The following HOATZ variants were observed in gnomAD, a reference collection of about 807,000 sequenced individuals.
HOATZ encodes the protein HOATZ cilia and flagella associated protein, also known as cilia- and flagella-associated protein HOATZ.
A neutral mutation model predicts 24.9 loss-of-function variants in HOATZ; 26 were observed. The ratio of observed to expected loss-of-function variants is 1.04; its 90% confidence interval spans 0.76 to 1.45. The LOEUF (loss-of-function observed/expected upper bound fraction) is 1.45. Ranked by LOEUF, HOATZ falls within the 40% of genes most tolerant of loss-of-function variation. The pLI, the probability that HOATZ is intolerant of heterozygous loss-of-function variation, is 0.00. For synonymous variants in HOATZ, 83 were observed against 76.6 expected (o/e 1.08, Z -0.43); for missense variants, 226 against 201.5 (o/e 1.12, Z -0.74).
At chr11:111,519,220 C>A (rs1352432270) in intron 3 of HOATZ, 1 of 248,466 alleles carries the variant, frequency 4.0e-6, no homozygotes, top group Non-Finnish European at 8.3e-6. Context: ...AGTTTACCCT[C>A]AACAAATTCA....
intron 3 of HOATZ, chr11:111,519,184 G>A (rs1326916953): frequency 3.0e-6 from 1 of 336,068 alleles, no homozygotes; most frequent in African/African-American, 2.1e-5. Flanking sequence ...ATAGAGTGAT[G>A]TAAGGTATGT....
At chr11:111,527,698 T>C (rs1867354391) in intron 3 of HOATZ, among the ~76,000 whole-genome samples, 1 of 152,254 alleles carries the variant, frequency 6.6e-6, no homozygotes, top group Admixed American at 6.5e-5. Context: ...TATATGGTAG[T>C]TGTAGAATCA....
At chr11:111,532,340 A>C (rs1867402851) in intron 3 of HOATZ, among the ~76,000 whole-genome samples, 1 of 152,220 alleles carries the variant, frequency 6.6e-6, no homozygotes, top group African/African-American at 2.4e-5. Context: ...TCTAACCAGC[A>C]GTACCTCAGA....
intron 3 of HOATZ, chr11:111,518,902 C>A (rs1278822529): frequency 2.6e-6 from 1 of 388,890 alleles, no homozygotes; most frequent in Non-Finnish European, 5.2e-6. Flanking sequence ...ATGAATAGAT[C>A]TCTTCTCTGT....
chr11:111,515,385 G>A, intron 1 of HOATZ, 126 bp from the exon 2 acceptor site: 1 of 731,198 alleles, frequency 1.4e-6, no homozygotes, highest in Admixed American at 2.3e-5. Context: ...TCCTGGACCT[G>A]TGAGCCCTTA....
chr11:111,514,930 C>G lies in HOATZ; in HGVS notation c.146C>G (p.Pro49Arg), dbSNP rs1867159185. The G allele has an allele frequency of 1.6e-5, 26 of 1,614,038 alleles. No individual in the cohort carries two copies. The highest frequency in any genetic ancestry group is 2.1e-5 in the Non-Finnish European group (25 of 1,180,002). Residue 49 changes from proline (P) to arginine (R), a missense_variant, in exon 1 of 6, where the codon CCT becomes CGT. Physicochemically the swap from Pro to Arg is moderately radical, Grantham distance 103. Coordinates refer to ENST00000375618, the MANE Select transcript of HOATZ (RefSeq NM_001100388.2). ...QFWISASMYP[P>R]SESQLVLRRD... ...TGGATCTCGGCGTCGATGTATCCCC[C>G]TAGCGAATCTCAGCTGGTGCTGCGC...
At position 111,521,855 on chromosome 11, in the gene HOATZ, A is replaced by G. The variant is rs549243741; in HGVS notation, c.339+5745A>G. 2.0e-5 allele frequency among the ~76,000 whole-genome samples: 3 copies of G among 152,380 alleles called. No homozygotes were observed. In the South Asian group the frequency reaches 6.2e-4, roughly 32 times the overall value. On this transcript the variant is annotated intron_variant, in intron 3 of 5. Coordinates refer to ENST00000375618, the MANE Select transcript of HOATZ (RefSeq NM_001100388.2). ...ATGTTGGGGAACATTTTCAGTTGACAGATGAGGTTCCCCTCTAAATCTTCT... is the reference window on the plus strand; with the variant it reads ...ATGTTGGGGAACATTTTCAGTTGACGGATGAGGTTCCCCTCTAAATCTTCT...
At chr11:111,535,356 A>C (rs1412062328) in intron 5 of HOATZ, 1 of 152,218 alleles carries the variant, frequency 6.6e-6, no homozygotes, top group Non-Finnish European at 1.5e-5. Context: ...GATGAAGCAA[A>C]ACTAGCCCAA....
At position 111,536,349 on chromosome 11, in the gene HOATZ, T is replaced by C; in HGVS notation, c.453-421T>C. The C allele has an allele frequency of 1.2e-5, 2 of 167,986 alleles. 1 individual carries two copies. Among genetic ancestry groups the C allele is most frequent in the Non-Finnish European group, 2.6e-5 (2 of 77,010 alleles). The allele number at this position is 167,986 out of a possible 1,614,324, so 10.4% of individuals were successfully genotyped here. Reference sequence around the variant, plus strand: ...TTCCTCCTTCAACAGGTCTTCTTAGTATAATCCAGGTCCCCTTCTGTTAGA... The same window carrying C: ...TTCCTCCTTCAACAGGTCTTCTTAGCATAATCCAGGTCCCCTTCTGTTAGA... On this transcript the variant is annotated intron_variant, in intron 5 of 5. Coordinates refer to ENST00000375618, the MANE Select transcript of HOATZ (RefSeq NM_001100388.2).
intron 3 of HOATZ, 95 bp downstream of exon 3, chr11:111,516,205 C>G: frequency 1.4e-6 from 1 of 707,484 alleles, no homozygotes; most frequent in Non-Finnish European, 2.4e-6. Flanking sequence ...TCTGCTACTT[C>G]TAGTGCATCA....
intron 3 of HOATZ, among the ~76,000 whole-genome samples, chr11:111,522,977 C>T (rs1867286979): frequency 6.6e-6 from 1 of 152,080 alleles, no homozygotes; most frequent in African/African-American, 2.4e-5. Context: ...CCCAGCTACT[C>T]GGGAGGCTAA....
intron 3 of HOATZ, among the ~76,000 whole-genome samples, chr11:111,531,981 T>G (rs1268988341): frequency 1.3e-5 from 2 of 152,198 alleles, no homozygotes; most frequent in Non-Finnish European, 2.9e-5. Context: ...CTGTTTCCTC[T>G]GCCTTAAAAG....
intron 3 of HOATZ, 77 bp from the exon 4 acceptor site, chr11:111,533,669 T>C: frequency 2.0e-6 from 2 of 991,908 alleles, no homozygotes; most frequent in East Asian, 2.5e-5. Context: ...AAGATGAAAA[T>C]GGAAGAATTC....
rs1867426293 is a variant in HOATZ at position 111,534,412 on chromosome 11, A to G, written c.400A>G (p.Lys134Glu). 1.2e-6 allele frequency: 2 copies of G among 1,609,014 alleles called. No individual in the cohort carries two copies. Among genetic ancestry groups the G allele is most frequent in the South Asian group, 2.2e-5 (2 of 90,836 alleles). The change falls in exon 5 of 6, where the codon AAA (lysine) becomes GAA (glutamate). Residue 134 changes from lysine to glutamate, a missense_variant and splice_region_variant. Coordinates refer to ENST00000375618, the MANE Select transcript of HOATZ (RefSeq NM_001100388.2). ...LRKQREERISKELISLPYKPK... is the reference protein window; with the variant it reads ...LRKQREERISEELISLPYKPK... Reference sequence around the variant, plus strand: ...TGATTTTTATTTTGTTTTGTTTCAGAAAGAACTGATTTCCCTTCCGTATAA... The same window carrying G: ...TGATTTTTATTTTGTTTTGTTTCAGGAAGAACTGATTTCCCTTCCGTATAA...
At chr11:111,523,959 C>T (rs181083643) in intron 3 of HOATZ, among the ~76,000 whole-genome samples, 1 of 152,192 alleles carries the variant, frequency 6.6e-6, no homozygotes. Flanking sequence ...TGTCATTGCT[C>T]TGTTTCTCCT....
chr11:111,514,986 C>A lies in HOATZ; in HGVS notation c.202C>A (p.Arg68=), dbSNP rs1453534822. The A allele has an allele frequency of 6.2e-7, 1 of 1,613,118 alleles. No individual in the cohort carries two copies. Among genetic ancestry groups the A allele is most frequent in the South Asian group, 1.1e-5 (1 of 91,082 alleles). The change falls in exon 1 of 6, where the codon CGG becomes AGG. Residue 68 remains arginine, a synonymous_variant. Transcript: ENST00000375618. ...RDSSQRLPVA[R]PRRSRGSENS... is the part of the protein sequence containing the mutation. ...CAGCAGTCAGCGTCTGCCGGTGGCG[C>A]GGCCCAGGAGGAGCAGAGGGTCTGG...
Position 111,536,801 on chromosome 11 carries a change from CAAG to C in HOATZ, c.491_493del (p.Glu164del), listed in dbSNP as rs767348125. The C allele has an allele frequency of 4.3e-6, 7 of 1,613,716 alleles. No homozygotes were observed. Among genetic ancestry groups the C allele is most frequent in the Non-Finnish European group, 5.9e-6 (7 of 1,179,754 alleles). On this transcript the variant is annotated inframe_deletion, in exon 6 of 6. Transcript: ENST00000375618. ...GGTATCAGAGTCAGATAAAGAGGAC[CAAG>C]AAGAAGTCAAAACTTTGGACTAATT...
intron 3 of HOATZ, among the ~76,000 whole-genome samples, chr11:111,529,129 T>G (rs910499733): frequency 7.2e-5 from 11 of 152,224 alleles, no homozygotes; most frequent in African/African-American, 2.7e-4. Flanking sequence ...TGTTTTTATC[T>G]TCTCTGCTTC....
intron 3 of HOATZ, among the ~76,000 whole-genome samples, chr11:111,518,722 T>C (rs898414020): frequency 3.9e-5 from 6 of 152,242 alleles, no homozygotes; most frequent in African/African-American, 1.4e-4. Flanking sequence ...ATGGTATGAA[T>C]ACAAATGTGA....
Sources: allele counts gnomAD v4.1 joint callset (sites outside exome capture counted in the v4.1 genomes callset), GRCh38; gene constraint gnomAD v4.1.1; transcripts MANE v1.5; gene names NCBI Gene and HGNC (gene_info 2026-07-23, HGNC 2026-07-21).